Variants in PCDHA7 observed in about 807,000 individuals in gnomAD.
The protein encoded by PCDHA7 is protocadherin alpha 7.
PCDHA7 carries 37 observed loss-of-function variants against 57.2 expected under a neutral mutation model. The observed-to-expected ratio is 0.65, with a 90% CI of 0.50 to 0.85. The LOEUF (loss-of-function observed/expected upper bound fraction) is 0.85, where lower values mean the gene tolerates loss of function less well. PCDHA7 is among the 40% of genes least tolerant of loss of function. The pLI is 0.00. For missense variants in PCDHA7, 1,188 were observed against 1,241.8 expected (o/e 0.96, Z 0.65); for synonymous variants, 553 against 558.8 (o/e 0.99, Z 0.15).
intron 1 of PCDHA7, chr5:140,856,534 A>G (rs782489948): frequency 6.3e-7 from 1 of 1,598,482 alleles, no homozygotes; most frequent in Non-Finnish European, 8.6e-7. Context: ...CGGATGTTGG[A>G]GAGAACGCAT....
intron 3 of PCDHA7, among the ~76,000 whole-genome samples, chr5:140,986,408 C>G (rs1587158509): frequency 6.6e-6 from 1 of 152,176 alleles, no homozygotes; most frequent in East Asian, 1.9e-4. Context: ...GCTCATGTTA[C>G]AGCTCTTTTT....
At chr5:140,880,958 G>T (rs1208694420) in intron 1 of PCDHA7, among the ~76,000 whole-genome samples, 1 of 152,010 alleles carries the variant, frequency 6.6e-6, no homozygotes, top group African/African-American at 2.4e-5. Flanking sequence ...GGATGATGAG[G>T]GTAAGAGAAT....
chr5:140,997,077 G>T (rs1201538953), intron 3 of PCDHA7, among the ~76,000 whole-genome samples: 3 of 152,062 alleles, frequency 2.0e-5, no homozygotes, highest in Admixed American at 2.0e-4. Flanking sequence ...CAGGAAAGTT[G>T]AGTAGAAAGT....
intron 2 of PCDHA7, 164 bp downstream of exon 2, chr5:140,979,171 C>T (rs1586797637): frequency 4.2e-6 from 4 of 960,866 alleles, no homozygotes; most frequent in South Asian, 4.8e-5. Context: ...CTTGAAAGAT[C>T]GCAAATGGTC....
intron 1 of PCDHA7, chr5:140,856,082 T>C (rs781798552): frequency 6.9e-6 from 11 of 1,594,900 alleles, no homozygotes; most frequent in Non-Finnish European, 8.6e-6. Context: ...GGGGGTCCAG[T>C]GTCTGCTGCT....
chr5:140,836,035 T>A lies in PCDHA7; in HGVS notation c.1652T>A (p.Leu551Gln). ...GVPPLGSNVT[L>Q]QVFVLDENDN... is the part of the protein sequence containing the mutation. ...CCGCCTCTGGGCAGCAACGTGACGC[T>A]GCAGGTGTTCGTGCTGGACGAGAAC... Residue 551 changes from leucine (L) to glutamine (Q), a missense_variant, in exon 1 of 4, where the codon CTG becomes CAG. Leu to Gln is a moderately radical substitution (Grantham distance 113). Around this residue, in one of 3 missense-constraint regions of PCDHA7, gnomAD observed 892 missense variants for 788.5 expected, o/e 1.13. Coordinates refer to ENST00000525929, the MANE Select transcript of PCDHA7 (RefSeq NM_018910.3). The A allele has an allele frequency of 6.2e-7, 1 of 1,613,556 alleles. No homozygotes were observed. The highest frequency in any genetic ancestry group is 2.2e-5 in the East Asian group (1 of 44,864).
At chr5:140,966,758 C>T in intron 1 of PCDHA7, 1 of 1,445,334 alleles carries the variant, frequency 6.9e-7, no homozygotes, top group South Asian at 1.5e-5. Flanking sequence ...TCCGCCGCGG[C>T]CAGTGGCTAT....
chr5:140,933,999 C>T (rs1399268046), intron 1 of PCDHA7, among the ~76,000 whole-genome samples: 2 of 152,050 alleles, frequency 1.3e-5, no homozygotes, highest in South Asian at 2.1e-4. Context: ...TGTCACCTCT[C>T]ATTTTTCTTG....
intron 1 of PCDHA7, among the ~76,000 whole-genome samples, chr5:140,838,065 TTATA>T (rs144773480): frequency 1.1e-4 from 12 of 113,362 alleles, no homozygotes; most frequent in Admixed American, 1.8e-4. Context: ...CCACTTTAAG[TTATA>T]TATATATAGT....
rs200439538 is a variant in PCDHA7, at chr5:140,842,555, G to T, written c.2355+5817G>T. On this transcript the variant is annotated intron_variant, in intron 1 of 3. Transcript: ENST00000525929. ...TTACTACTCGTTGGTGCTGGACAGC[G>T]CCCTGGACCGCGAGAGAGTGTCGGC... The T allele has an allele frequency of 1.4e-6, 2 of 1,465,832 alleles. No homozygotes were observed. Among genetic ancestry groups the T allele is most frequent in the Non-Finnish European group, 1.9e-6 (2 of 1,075,884 alleles). The allele number at this position is 1,465,832 out of a possible 1,614,324, so 90.8% of individuals were successfully genotyped here. A position where few individuals can be genotyped will look rare whatever the true frequency, so the allele number is the denominator to read the frequency against.
intron 1 of PCDHA7, chr5:140,966,731 G>A: frequency 7.1e-7 from 1 of 1,405,136 alleles, no homozygotes; most frequent in Non-Finnish European, 9.2e-7. Context: ...TGCCGCCTCC[G>A]GCCCTGCCCG....
chr5:140,965,496 A>ATT lies in PCDHA7; in HGVS notation c.2356-13439_2356-13438dup, dbSNP rs71766133. On this transcript the variant is annotated intron_variant, in intron 1 of 3. Coordinates refer to ENST00000525929, the MANE Select transcript of PCDHA7 (RefSeq NM_018910.3). Reference sequence around the variant, plus strand: ...CCCACATTTTGCTTAATGACAGCAGATTTTTTTTTTTTTTTAACTGCAAAG... The same window carrying ATT: ...CCCACATTTTGCTTAATGACAGCAGATTTTTTTTTTTTTTTTTAACTGCAAAG... Among the ~76,000 whole-genome samples the ATT allele has an allele frequency of 3.3e-3, 482 of 146,482 alleles. 3 individuals are homozygous for ATT. The highest frequency in any genetic ancestry group is 0.011 in the African/African-American group (455 of 40,032).
In PCDHA7 at chr5:140,924,786, T is replaced by G. The variant is rs2082007959; in HGVS notation, c.2356-54163T>G. Reference sequence around the variant, plus strand: ...GGTGCGCGCTTGTAGTCCTAGCTACTTAGGAGGCTGAGGCAAGAGAATCGC... The same window carrying G: ...GGTGCGCGCTTGTAGTCCTAGCTACGTAGGAGGCTGAGGCAAGAGAATCGC... On this transcript the variant is annotated intron_variant, in intron 1 of 3. Coordinates refer to ENST00000525929, the MANE Select transcript of PCDHA7 (RefSeq NM_018910.3). Among the ~76,000 whole-genome samples the G allele has an allele frequency of 4.6e-5, 7 of 151,720 alleles. No homozygotes were observed. In the South Asian group the frequency reaches 1.2e-3, roughly 27 times the overall value.
chr5:140,843,322 G>T (rs1473227460), intron 1 of PCDHA7: 4 of 1,595,938 alleles, frequency 2.5e-6, no homozygotes, highest in Non-Finnish European at 1.7e-6. Context: ...CGGTTCTGGT[G>T]TCGCTGGTGG....
chr5:141,010,360 C>T lies in PCDHA7; in HGVS notation c.*423C>T, dbSNP rs1436094767. 22 of 1,488,936 alleles carry T rather than the reference C, an allele frequency of 1.5e-5. No individual in the cohort carries two copies. Among genetic ancestry groups the T allele is most frequent in the Non-Finnish European group, 1.9e-5 (21 of 1,118,260 alleles). The allele number at this position is 1,488,936 out of a possible 1,614,324, so 92.2% of individuals were successfully genotyped here. ...GGCCACTGGGTATGTGTGGCTACCG[C>T]GGGTATGCGAGTGCCAGATATTGGC... On this transcript the variant is annotated 3_prime_UTR_variant, in exon 4 of 4. Coordinates refer to ENST00000525929, the MANE Select transcript of PCDHA7 (RefSeq NM_018910.3).
chr5:140,851,920 T>C (rs2042197222), intron 1 of PCDHA7: 1 of 967,994 alleles, frequency 1.0e-6, no homozygotes, highest in African/African-American at 1.8e-5. Context: ...CTACATGTTA[T>C]GTTTCCTGAA....
chr5:140,862,674 C>A (rs782474067), intron 1 of PCDHA7: 5 of 549,972 alleles, frequency 9.1e-6, no homozygotes, highest in Non-Finnish European at 1.5e-5. Context: ...CGCAGGAGAA[C>A]GTGCTGGTGT....
intron 3 of PCDHA7, among the ~76,000 whole-genome samples, chr5:140,987,383 G>A (rs2097252098): frequency 6.6e-6 from 1 of 152,138 alleles, no homozygotes; most frequent in Admixed American, 6.5e-5. Flanking sequence ...GGGTCAGAAT[G>A]CATGCAAGGA....
At position 140,834,542 on chromosome 5, in the gene PCDHA7, G is replaced by A. The variant is rs2150220651; in HGVS notation, c.159G>A (p.Gly53=). The change falls in exon 1 of 4, where the codon GGG becomes GGA. Residue 53 remains glycine (G), a synonymous_variant. Transcript: ENST00000525929. ...TGGGCCGCATCGCGCAGGACCTGGG[G>A]CTGGAGCTGGCGGAGCTGGTGCCGC... ...NFVGRIAQDL[G]LELAELVPRL... is the part of the protein sequence containing the mutation. The A allele has an allele frequency of 3.7e-6, 6 of 1,614,086 alleles. 1 individual carries two copies. In the South Asian group the frequency reaches 5.5e-5, roughly 15 times the overall value.
Sources: gnomAD v4.1 joint callset for allele counts (sites outside exome capture counted in the v4.1 genomes callset) on GRCh38, gnomAD v4.1.1 for gene constraint, gnomAD v4.1.1 regional missense constraint, MANE v1.5 for transcripts, NCBI Gene and HGNC (gene_info 2026-07-23, HGNC 2026-07-21) for gene names.